OTOGL: variants seen among roughly 807,000 people sequenced by gnomAD.
OTOGL encodes the protein otogelin like.
OTOGL carries 285 observed loss-of-function variants against 318.5 expected under a neutral mutation model. That is an observed-to-expected ratio of 0.89 (90% CI 0.81 to 0.99). The LOEUF (loss-of-function observed/expected upper bound fraction) is 0.99. Among genes scored for constraint, OTOGL ranks in the 50% least tolerant of loss-of-function variants. The probability of loss-of-function intolerance (pLI) is 0.00; values close to 1 mark genes in which losing one functional copy is unlikely to be tolerated. For synonymous variants in OTOGL, 987 were observed against 936.5 expected, an observed-to-expected ratio of 1.05 and a Z score of -0.99; for missense variants, 2,899 against 2,845.6, an observed-to-expected ratio of 1.02 and a Z score of -0.43.
At chr12:80,331,616 A>G (rs1418958380) in intron 37 of OTOGL, among the ~76,000 whole-genome samples, 1 of 152,106 alleles carries the variant, frequency 6.6e-6, no homozygotes, top group East Asian at 1.9e-4. Flanking sequence ...CTGGGATTAC[A>G]GATGACAGCC....
At chr12:80,109,231 CT>C (rs948297514) in intron 1 of OTOGL, among the ~76,000 whole-genome samples, 1 of 151,974 alleles carries the variant, frequency 6.6e-6, no homozygotes, top group African/African-American at 2.4e-5. Context: ...GCTATTGTTA[CT>C]TCCAGGCCCT....
At chr12:80,296,404 A>G (rs917948276) in intron 26 of OTOGL, among the ~76,000 whole-genome samples, 1 of 152,200 alleles carries the variant, frequency 6.6e-6, no homozygotes, top group Non-Finnish European at 1.5e-5. Context: ...TTTTGTATCT[A>G]TTTGAATTCT....
intron 52 of OTOGL, among the ~76,000 whole-genome samples, chr12:80,365,313 T>C (rs1473050217): frequency 6.6e-6 from 1 of 152,128 alleles, no homozygotes; most frequent in African/African-American, 2.4e-5. Context: ...AAAATTACCA[T>C]ATTTTTTCAG....
chr12:80,315,873 C>T (rs754398859), intron 32 of OTOGL, among the ~76,000 whole-genome samples: 7 of 152,096 alleles, frequency 4.6e-5, no homozygotes, highest in South Asian at 2.1e-4. Context: ...CTGCCACACA[C>T]GTGCATGCAT....
intron 3 of OTOGL, 74 bp from the exon 4 acceptor site, chr12:80,211,875 C>T: frequency 8.4e-7 from 1 of 1,195,462 alleles, no homozygotes; most frequent in Non-Finnish European, 1.2e-6. Flanking sequence ...AAAACACCAG[C>T]TCTCTCTTGG....
rs200388065 is a variant in OTOGL, at chr12:80,253,516, G to T, written c.1336G>T (p.Gly446Cys). ...TCISLENCPCGFHGLAYSVGS... is the reference protein window; with the variant it reads ...TCISLENCPCCFHGLAYSVGS... ...CATCTCCTTGGAAAATTGCCCATGCGGTTTTCATGGATTAGCTTATTCAGT... is the reference window on the plus strand; with the variant it reads ...CATCTCCTTGGAAAATTGCCCATGCTGTTTTCATGGATTAGCTTATTCAGT... The change falls in exon 14 of 59, where the codon GGT becomes TGT. Residue 446 changes from glycine (G) to cysteine (C), a missense_variant. Transcript: ENST00000547103. 6.2e-7 allele frequency: 1 copy of T among 1,613,158 alleles called. No individual in the cohort carries two copies. Among genetic ancestry groups the T allele is most frequent in the African/African-American group, 1.3e-5 (1 of 74,876 alleles).
chr12:80,252,681 A>C lies in OTOGL; in HGVS notation c.1285+480A>C, dbSNP rs150883005. 2.7e-3 allele frequency among the ~76,000 whole-genome samples: 404 copies of C among 152,294 alleles called. 1 individual carries two copies. Among genetic ancestry groups the C allele is most frequent in the African/African-American group, 9.5e-3 (395 of 41,566 alleles). On this transcript the variant is annotated intron_variant, in intron 13 of 58. Transcript: ENST00000547103. ...TCTAAAGAACACTGAGGATTTACTC[A>C]AACCCTTTTTATTTTTACAGATTAA...
At chr12:80,368,158 T>C (rs1290946098) in intron 54 of OTOGL, 47 bp from the exon 55 acceptor site, 1 of 1,334,778 alleles carries the variant, frequency 7.5e-7, no homozygotes, top group Non-Finnish European at 1.0e-6. Flanking sequence ...AAGTAATTCA[T>C]TAAAAATATT....
At chr12:80,229,164 T>G in intron 7 of OTOGL, 93 bp from the exon 8 acceptor site, 1 of 1,395,740 alleles carries the variant, frequency 7.2e-7, no homozygotes, top group Non-Finnish European at 9.8e-7. Flanking sequence ...ATGGGACTAA[T>G]GAAACTATAT....
At chr12:80,257,145 A>G (rs1882124156) in intron 17 of OTOGL, among the ~76,000 whole-genome samples, 1 of 152,106 alleles carries the variant, frequency 6.6e-6, no homozygotes, top group South Asian at 2.1e-4. Flanking sequence ...GATTTATCTT[A>G]CAAATCACAT....
chr12:80,356,608 G>T, intron 48 of OTOGL, 88 bp downstream of exon 48: 1 of 1,111,166 alleles, frequency 9.0e-7, no homozygotes, highest in Admixed American at 2.8e-5. Context: ...GTCTCCAAGA[G>T]AATGATTTAT....
chr12:80,231,295 T>C (rs1879336351), intron 8 of OTOGL, among the ~76,000 whole-genome samples: 2 of 152,202 alleles, frequency 1.3e-5, no homozygotes, highest in South Asian at 4.1e-4. Flanking sequence ...GAATGCATTA[T>C]GGCAGTAGTT....
chr12:80,324,026 CT>C (rs1309836105), intron 35 of OTOGL, among the ~76,000 whole-genome samples, 186 bp downstream of exon 35: 2 of 152,224 alleles, frequency 1.3e-5, no homozygotes, highest in Non-Finnish European at 2.9e-5. Context: ...AGGCAATCTT[CT>C]TGCTGCTGGG....
intron 33 of OTOGL, among the ~76,000 whole-genome samples, chr12:80,320,066 G>T (rs764570165): frequency 6.6e-6 from 1 of 151,944 alleles, no homozygotes; most frequent in African/African-American, 2.4e-5. Flanking sequence ...GCTTGCAAAC[G>T]CAAATATATG....
chr12:80,136,788 C>A (rs974741133), intron 1 of OTOGL, among the ~76,000 whole-genome samples: 3 of 152,068 alleles, frequency 2.0e-5, no homozygotes, highest in African/African-American at 7.2e-5. Context: ...CTGTTTTTTT[C>A]TCTATTTTTT....
chr12:80,135,719 G>T (rs1339304787), intron 1 of OTOGL, among the ~76,000 whole-genome samples: 3 of 152,156 alleles, frequency 2.0e-5, no homozygotes, highest in East Asian at 3.8e-4. Flanking sequence ...TAGATAACTG[G>T]TCAAACATTG....
chr12:80,266,591 GAC>G lies in OTOGL; in HGVS notation c.2368_2369del (p.Thr790SerfsTer2). 1 of 1,613,412 alleles carries G rather than the reference GAC, an allele frequency of 6.2e-7. No individual in the cohort carries two copies. Among genetic ancestry groups the G allele is most frequent in the Non-Finnish European group, 8.5e-7 (1 of 1,179,680 alleles). On this transcript the variant is annotated frameshift_variant, in exon 21 of 59. Transcript: ENST00000547103. LOFTEE classifies it high-confidence loss of function. ...CNCPEGKFYEDTLNFCVPIFH... is the reference protein window; with the variant it reads ...CNCPEGKFYEXTLNFCVPIFH... ...TTGTCCGGAAGGCAAATTCTATGAA[GAC>G]ACTCTTAACTTTTGTGTACCCATGT...
intron 1 of OTOGL, among the ~76,000 whole-genome samples, chr12:80,207,496 C>T (rs796654822): frequency 3.3e-5 from 5 of 152,212 alleles, no homozygotes; most frequent in South Asian, 2.1e-4. Flanking sequence ...TGAGCCACCA[C>T]GCCCAGCCCT....
chr12:80,138,979 C>T (rs1160727638), intron 1 of OTOGL, among the ~76,000 whole-genome samples: 1 of 152,122 alleles, frequency 6.6e-6, no homozygotes, highest in African/African-American at 2.4e-5. Context: ...TTACTGTGTC[C>T]TTTTGTACTG....
Sources: gnomAD v4.1 joint callset for allele counts (sites outside exome capture counted in the v4.1 genomes callset) on GRCh38, gnomAD v4.1.1 for gene constraint, MANE v1.5 for transcripts, NCBI Gene and HGNC (gene_info 2026-07-23, HGNC 2026-07-21) for gene names.